The following ALG5 variants were observed in gnomAD, a reference collection of about 807,000 sequenced individuals.
ALG5 encodes the protein dolichyl-phosphate beta-glucosyltransferase.
Under a neutral mutation model 51.8 loss-of-function variants are expected in ALG5, and 26 were observed. The ratio of observed to expected loss-of-function variants is 0.50; its 90% confidence interval spans 0.37 to 0.70. The LOEUF is 0.70. ALG5 is among the 30% of genes least tolerant of loss of function. ALG5 has a pLI of 0.00. For missense variants in ALG5, 311 were observed against 399.3 expected, an observed-to-expected ratio of 0.78 and a Z score of 1.88; for synonymous variants, 141 against 136.1, an observed-to-expected ratio of 1.04 and a Z score of -0.25.
At chr13:36,965,526 G>A (rs1433294537) in intron 8 of ALG5, 49 bp downstream of exon 8, 3 of 1,548,362 alleles carry the variant, frequency 1.9e-6, no homozygotes, top group Non-Finnish European at 2.6e-6. Context: ...TTACCTAGAA[G>A]ATGGCTGGGT....
At chr13:36,995,989 A>G (rs2059048253) in intron 1 of ALG5, among the ~76,000 whole-genome samples, 1 of 152,158 alleles carries the variant, frequency 6.6e-6, no homozygotes, top group Non-Finnish European at 1.5e-5. Context: ...GTAAGGTCCT[A>G]TCGCTACTTG....
At position 36,989,466 on chromosome 13, in the gene ALG5, G is replaced by A. The variant is rs765309583; in HGVS notation, c.447+18C>T. The A allele has an allele frequency of 3.2e-6, 5 of 1,575,892 alleles. No individual in the cohort carries two copies. The highest frequency in any genetic ancestry group is 4.5e-5 in the East Asian group (2 of 44,600). Reference sequence around the variant, plus strand: ...ATACCTTCATATTTTAGATAAAAATGTTGAAAATATGTATTACCATTCTAA... The same window carrying A: ...ATACCTTCATATTTTAGATAAAAATATTGAAAATATGTATTACCATTCTAA... On this transcript the variant is annotated intron_variant, in intron 5 of 9. Coordinates refer to ENST00000239891, the MANE Select transcript of ALG5 (RefSeq NM_013338.5).
intron 6 of ALG5, among the ~76,000 whole-genome samples, chr13:36,981,633 C>T (rs4943439): frequency 0.34 from 51,742 of 152,002 alleles, 10,254 homozygotes; most frequent in East Asian, 0.72. Flanking sequence ...AAGAAATCCA[C>T]ACCAGTATAG....
At chr13:36,986,531 C>T (rs796416944) in intron 5 of ALG5, among the ~76,000 whole-genome samples, 1 of 152,236 alleles carries the variant, frequency 6.6e-6, no homozygotes, top group African/African-American at 2.4e-5. Context: ...ATAGGTAAGA[C>T]ATATACAAAT....
intron 1 of ALG5, 176 bp downstream of exon 1, chr13:36,999,059 C>T: frequency 8.6e-6 from 4 of 465,166 alleles, no homozygotes. Flanking sequence ...AATTAAAGAA[C>T]CGAAGAAAAG....
chr13:36,973,700 G>A (rs1485510722), intron 6 of ALG5, among the ~76,000 whole-genome samples: 3 of 152,012 alleles, frequency 2.0e-5, no homozygotes, highest in Admixed American at 6.6e-5. Context: ...CAGACAAAAG[G>A]TTAATTTCCA....
At chr13:36,981,671 T>C (rs1351282041) in intron 6 of ALG5, among the ~76,000 whole-genome samples, 3 of 152,104 alleles carry the variant, frequency 2.0e-5, no homozygotes, top group African/African-American at 7.2e-5. Context: ...TCAAAGGCAA[T>C]GAACAGGAAA....
intron 6 of ALG5, among the ~76,000 whole-genome samples, chr13:36,979,555 A>AGAGATATTATTAGAGATAGAAGAG (rs2058969792): frequency 2.0e-5 from 3 of 152,222 alleles, no homozygotes; most frequent in African/African-American, 7.2e-5. Context: ...GCCAAGGATT[A>AGAGATATTATTAGAGATAGAAGAG]CTATATTAGA....
chr13:36,965,305 A>AAAAGAAAAAAAAGGAAGTCT (rs2058887826), intron 8 of ALG5, among the ~76,000 whole-genome samples: 1 of 151,434 alleles, frequency 6.6e-6, no homozygotes. Context: ...TTTTTTCTTC[A>AAAAGAAAAAAAAGGAAGTCT]AAGGAAAAAA....
chr13:36,952,495 C>G lies in ALG5; in HGVS notation c.859+19G>C, dbSNP rs1194329038. The G allele has an allele frequency of 6.5e-7, 1 of 1,549,532 alleles. No homozygotes were observed. Among genetic ancestry groups the G allele is most frequent in the Non-Finnish European group, 8.8e-7 (1 of 1,138,392 alleles). ...TATTATCTGACTCAAGACAATCATA[C>G]AATAAACAATATACTCACCTTCAAT... On this transcript the variant is annotated intron_variant, in intron 9 of 9. Coordinates refer to ENST00000239891, the MANE Select transcript of ALG5 (RefSeq NM_013338.5).
intron 6 of ALG5, among the ~76,000 whole-genome samples, chr13:36,977,539 C>T (rs1006065523): frequency 6.6e-5 from 10 of 151,950 alleles, no homozygotes; most frequent in Admixed American, 3.3e-4. Flanking sequence ...TGCCTATACT[C>T]CCAGCACTTT....
At chr13:36,984,298 G>A (rs1225172460) in intron 6 of ALG5, among the ~76,000 whole-genome samples, 1 of 151,806 alleles carries the variant, frequency 6.6e-6, no homozygotes, top group African/African-American at 2.4e-5. Flanking sequence ...ATGGGGTCTT[G>A]TTATGTTGCC....
At chr13:36,954,836 G>C (rs1356718059) in intron 8 of ALG5, among the ~76,000 whole-genome samples, 1 of 152,158 alleles carries the variant, frequency 6.6e-6, no homozygotes, top group African/African-American at 2.4e-5. Flanking sequence ...CCACCAGATG[G>C]ACATGAACCC....
At chr13:36,985,345 T>A (rs1210577138) in intron 6 of ALG5, among the ~76,000 whole-genome samples, 1 of 152,054 alleles carries the variant, frequency 6.6e-6, no homozygotes, top group Non-Finnish European at 1.5e-5. Context: ...AAGTCTTAAT[T>A]GAATATGCAC....
chr13:36,993,576 T>G (rs2059035010), intron 4 of ALG5, 28 bp downstream of exon 4: 1 of 1,582,050 alleles, frequency 6.3e-7, no homozygotes, highest in Non-Finnish European at 8.7e-7. Flanking sequence ...TTCTAACTAT[T>G]GTCAATTCTA....
intron 8 of ALG5, among the ~76,000 whole-genome samples, chr13:36,953,079 A>G (rs2058825253): frequency 6.6e-6 from 1 of 152,272 alleles, no homozygotes; most frequent in Admixed American, 6.5e-5. Context: ...TTACTTTTCT[A>G]ATAGTGTCCC....
chr13:36,951,820 C>T (rs1046781674), intron 9 of ALG5, among the ~76,000 whole-genome samples: 12 of 152,260 alleles, frequency 7.9e-5, no homozygotes, highest in Middle Eastern at 3.4e-3. Flanking sequence ...GAGTTTCACT[C>T]GTTGCCCAGG....
intron 8 of ALG5, among the ~76,000 whole-genome samples, chr13:36,954,014 A>G (rs544784602): frequency 1.3e-5 from 2 of 152,238 alleles, no homozygotes; most frequent in South Asian, 4.1e-4. Context: ...AAATACACAA[A>G]ACAATTGAGT....
At chr13:36,986,842 A>AT (rs2059004184) in intron 5 of ALG5, among the ~76,000 whole-genome samples, 1 of 152,182 alleles carries the variant, frequency 6.6e-6, no homozygotes. Flanking sequence ...TGGTAAAAAA[A>AT]CTGGAGCTAT....
Sources: gnomAD v4.1 joint callset for allele counts (sites outside exome capture counted in the v4.1 genomes callset) on GRCh38, gnomAD v4.1.1 for gene constraint, MANE v1.5 for transcripts, NCBI Gene and HGNC (gene_info 2026-07-23, HGNC 2026-07-21) for gene names.